Variants in KCND2 observed in about 807,000 individuals in gnomAD.
The protein encoded by KCND2 is potassium voltage-gated channel subfamily D member 2, also known as A-type voltage-gated potassium channel KCND2.
A neutral mutation model predicts 54.4 loss-of-function variants in KCND2; 16 were observed. The observed-to-expected ratio is 0.29, with a 90% CI of 0.20 to 0.45. The LOEUF (loss-of-function observed/expected upper bound fraction) is 0.45, where lower values mean the gene tolerates loss of function less well. Ranked by LOEUF, KCND2 falls within the 20% of genes least tolerant of loss-of-function variation. KCND2 has a pLI of 1.00. For synonymous variants in KCND2, 317 were observed against 310.7 expected, an observed-to-expected ratio of 1.02 and a Z score of -0.21; for missense variants, 486 against 824.2, an observed-to-expected ratio of 0.59 and a Z score of 5.02.
chr7:120,488,604 C>T (rs537213644), intron 1 of KCND2, among the ~76,000 whole-genome samples: 1 of 152,064 alleles, frequency 6.6e-6, no homozygotes, highest in Non-Finnish European at 1.5e-5. Flanking sequence ...GTAACCAAAA[C>T]ATTAACACTA....
chr7:120,293,193 A>G (rs1342118783), intron 1 of KCND2, among the ~76,000 whole-genome samples: 2 of 151,956 alleles, frequency 1.3e-5, no homozygotes. Context: ...CTACCTAGCT[A>G]CATGGCTCAA....
At chr7:120,524,969 T>G (rs1362389778) in intron 1 of KCND2, among the ~76,000 whole-genome samples, 1 of 152,208 alleles carries the variant, frequency 6.6e-6, no homozygotes, top group Non-Finnish European at 1.5e-5. Flanking sequence ...CTTTTAATAC[T>G]TATAGATCTC....
chr7:120,490,962 C>T (rs369569416), intron 1 of KCND2, among the ~76,000 whole-genome samples: 1 of 151,844 alleles, frequency 6.6e-6, no homozygotes, highest in African/African-American at 2.4e-5. Flanking sequence ...CCTTTCAAAC[C>T]AAAAAATGGG....
At chr7:120,449,125 C>T (rs1468980300) in intron 1 of KCND2, among the ~76,000 whole-genome samples, 2 of 151,916 alleles carry the variant, frequency 1.3e-5, no homozygotes, top group African/African-American at 2.4e-5. Flanking sequence ...GCCAGGAGAT[C>T]GAGACCATCC....
At chr7:120,412,671 A>G (rs1801469005) in intron 1 of KCND2, among the ~76,000 whole-genome samples, 1 of 151,996 alleles carries the variant, frequency 6.6e-6, no homozygotes, top group Admixed American at 6.6e-5. Flanking sequence ...TTGTATTGCT[A>G]GCTTTTAGTA....
intron 1 of KCND2, among the ~76,000 whole-genome samples, chr7:120,588,067 T>G (rs183672235): frequency 6.6e-6 from 1 of 152,292 alleles, no homozygotes; most frequent in Admixed American, 6.5e-5. Flanking sequence ...CTACCTGTTT[T>G]TATCTTAATG....
intron 1 of KCND2, among the ~76,000 whole-genome samples, chr7:120,329,006 TA>T (rs1452561838): frequency 6.6e-6 from 1 of 152,186 alleles, no homozygotes; most frequent in Non-Finnish European, 1.5e-5. Context: ...AATTCAGTTT[TA>T]AATTCTCTTA....
rs550913237 is a variant in KCND2, at chr7:120,644,672, A to G, written c.1116-88231A>G. ...TGCACATCACAAAACGTCAATTAAG[A>G]ATTTCATGATGTTTTTGGTTATATT... On this transcript the variant is annotated intron_variant, in intron 1 of 5. Coordinates refer to ENST00000331113, the MANE Select transcript of KCND2 (RefSeq NM_012281.3). Among the ~76,000 whole-genome samples the G allele has an allele frequency of 7.1e-4, 108 of 152,280 alleles. 2 individuals carry two copies. The highest frequency in any genetic ancestry group is 2.4e-3 in the African/African-American group (101 of 41,558).
intron 1 of KCND2, among the ~76,000 whole-genome samples, chr7:120,467,004 G>A (rs770444549): frequency 6.6e-6 from 1 of 152,004 alleles, no homozygotes; most frequent in Non-Finnish European, 1.5e-5. Context: ...AAAGACATTC[G>A]TGATTCCATT....
intron 1 of KCND2, chr7:120,464,017 GTTTT>G: frequency 6.3e-6 from 5 of 788,440 alleles, no homozygotes; most frequent in South Asian, 5.9e-5. Context: ...TCTTAGTTTT[GTTTT>G]TTTTTTTTTT....
At chr7:120,684,784 C>T (rs1179928953) in intron 1 of KCND2, among the ~76,000 whole-genome samples, 1 of 152,114 alleles carries the variant, frequency 6.6e-6, no homozygotes, top group Non-Finnish European at 1.5e-5. Flanking sequence ...GTCAGGTCAG[C>T]AGCGGTTTTA....
chr7:120,607,957 A>T (rs1306874227), intron 1 of KCND2, among the ~76,000 whole-genome samples: 1 of 152,040 alleles, frequency 6.6e-6, no homozygotes, highest in Non-Finnish European at 1.5e-5. Context: ...GAGAAATAAG[A>T]TTTAAAGATT....
intron 2 of KCND2, among the ~76,000 whole-genome samples, chr7:120,737,544 G>A (rs759831996): frequency 2.0e-5 from 3 of 151,904 alleles, no homozygotes; most frequent in Non-Finnish European, 2.9e-5. Flanking sequence ...CCAAGTTCTG[G>A]ACCTAGGAAT....
intron 1 of KCND2, among the ~76,000 whole-genome samples, chr7:120,427,560 A>G (rs1177129142): frequency 6.6e-6 from 1 of 152,258 alleles, no homozygotes; most frequent in African/African-American, 2.4e-5. Context: ...TCTGGTATCA[A>G]GTACAATGAA....
At chr7:120,489,415 C>T (rs1317772674) in intron 1 of KCND2, among the ~76,000 whole-genome samples, 1 of 152,058 alleles carries the variant, frequency 6.6e-6, no homozygotes, top group African/African-American at 2.4e-5. Flanking sequence ...TTGAAACACA[C>T]ATTCACTCAG....
chr7:120,651,993 T>G (rs1461064301), intron 1 of KCND2, among the ~76,000 whole-genome samples: 2 of 152,192 alleles, frequency 1.3e-5, no homozygotes, highest in Non-Finnish European at 1.5e-5. Context: ...TCTGTTAATT[T>G]TATTGTAAGG....
At chr7:120,518,214 A>G (rs901721569) in intron 1 of KCND2, among the ~76,000 whole-genome samples, 2 of 152,172 alleles carry the variant, frequency 1.3e-5, no homozygotes, top group East Asian at 3.8e-4. Flanking sequence ...TTATTCTGCT[A>G]TACATTTTTC....
rs1792302206 is a variant in KCND2, at chr7:120,693,889, C to A, written c.1116-39014C>A. ...CCAGAAAGGAGATGAAAAATATAACCATCTGTAAATAGAAGGATGCGTGCG... is the reference window on the plus strand; with the variant it reads ...CCAGAAAGGAGATGAAAAATATAACAATCTGTAAATAGAAGGATGCGTGCG... On this transcript the variant is annotated intron_variant, in intron 1 of 5. Transcript: ENST00000331113. Among the ~76,000 whole-genome samples the A allele has an allele frequency of 2.0e-5, 3 of 152,064 alleles. No homozygotes were observed. In the South Asian group the frequency reaches 6.2e-4, roughly 32 times the overall value.
intron 1 of KCND2, among the ~76,000 whole-genome samples, chr7:120,704,673 T>C (rs1792444417): frequency 6.6e-6 from 1 of 152,212 alleles, no homozygotes; most frequent in African/African-American, 2.4e-5. Flanking sequence ...ATTTTGTATC[T>C]TATACGTGTT....
Sources: gnomAD v4.1 joint callset for allele counts (sites outside exome capture counted in the v4.1 genomes callset) on GRCh38, gnomAD v4.1.1 for gene constraint, MANE v1.5 for transcripts, NCBI Gene and HGNC (gene_info 2026-07-23, HGNC 2026-07-21) for gene names.